TRAP1: variants seen among roughly 807,000 people sequenced by gnomAD.
TRAP1 encodes the protein TNF receptor associated protein 1, also known as heat shock protein 75 kDa, mitochondrial.
In TRAP1, 102 loss-of-function variants were observed where a neutral mutation model predicts 89.1. The ratio of observed to expected loss-of-function variants is 1.15; its 90% confidence interval spans 0.98 to 1.35. The LOEUF (loss-of-function observed/expected upper bound fraction) is 1.35. TRAP1 is among the 40% of genes most tolerant of loss of function. TRAP1 has a pLI of 0.00. For missense variants in TRAP1, 1,256 were observed against 945.3 expected (o/e 1.33, Z -4.31); for synonymous variants, 508 against 388.0 (o/e 1.31, Z -3.64).
rs188666198 is a variant in TRAP1, at chr16:3,692,989, G to A, written c.89-2004C>T. On this transcript the variant is annotated intron_variant, in intron 1 of 17. Transcript: ENST00000246957. ...TTGTTTTTTTTTGAGATGGAGTCTCGCTCTGTCGCCCAGGCTGGAGTGCAG... is the reference window on the plus strand; with the variant it reads ...TTGTTTTTTTTTGAGATGGAGTCTCACTCTGTCGCCCAGGCTGGAGTGCAG... 1.9e-3 allele frequency among the ~76,000 whole-genome samples: 285 copies of A among 150,324 alleles called. 4 individuals carry two copies. Among genetic ancestry groups the A allele is most frequent in the Middle Eastern group, 0.017 (5 of 286 alleles).
chr16:3,694,643 T>G (rs2051262523), intron 1 of TRAP1, among the ~76,000 whole-genome samples: 1 of 152,068 alleles, frequency 6.6e-6, no homozygotes, highest in African/African-American at 2.4e-5. Context: ...TGGCCTCTTT[T>G]TAAAAAAGAA....
chr16:3,658,676 A>T, intron 17 of TRAP1, 117 bp downstream of exon 17: 1 of 1,036,234 alleles, frequency 9.7e-7, no homozygotes, highest in Non-Finnish European at 1.4e-6. Flanking sequence ...CATCTCAAAA[A>T]ACAAACAAAC....
At chr16:3,689,187 T>A in intron 2 of TRAP1, 50 bp from the exon 3 acceptor site, 1 of 1,492,610 alleles carries the variant, frequency 6.7e-7, no homozygotes, top group Non-Finnish European at 9.3e-7. Context: ...TCTATTTTTG[T>A]GCAAGAATAC....
intron 16 of TRAP1, chr16:3,659,260 T>C (rs918464561): frequency 4.0e-5 from 7 of 174,148 alleles, no homozygotes; most frequent in Non-Finnish European, 7.3e-5. Flanking sequence ...GGCAAACAAC[T>C]CCATGTAACG....
intron 1 of TRAP1, among the ~76,000 whole-genome samples, chr16:3,701,560 A>AC (rs5815179): frequency 2.3e-5 from 3 of 131,944 alleles, no homozygotes; most frequent in African/African-American, 1.3e-4. Flanking sequence ...CAAAAAAAAA[A>AC]AAAAAAAATA....
At position 3,675,374 on chromosome 16, in the gene TRAP1, A is replaced by C; in HGVS notation, c.838T>G (p.Phe280Val). 1 of 1,613,888 alleles carries C rather than the reference A, an allele frequency of 6.2e-7. No homozygotes were observed. Residue 280 changes from phenylalanine to valine, a missense_variant, in exon 8 of 18, where the codon TTC (phenylalanine) becomes GTC (valine). Coordinates refer to ENST00000246957, the MANE Select transcript of TRAP1 (RefSeq NM_016292.3). Reference sequence around the variant, plus strand: ...TTCAAGTACAAGGGGAAGCTGACGAAGTTGCTGTACTTCGTTACCACATCT... The same window carrying C: ...TTCAAGTACAAGGGGAAGCTGACGACGTTGCTGTACTTCGTTACCACATCT... ...VRDVVTKYSN[F>V]VSFPLYLNGR...
intron 1 of TRAP1, among the ~76,000 whole-genome samples, chr16:3,707,834 A>G (rs2051470766): frequency 6.7e-6 from 1 of 149,886 alleles, no homozygotes; most frequent in South Asian, 2.1e-4. Context: ...AGCCTGGGCA[A>G]CAGACAGAGC....
At chr16:3,692,783 G>A (rs2051233912) in intron 1 of TRAP1, among the ~76,000 whole-genome samples, 1 of 151,028 alleles carries the variant, frequency 6.6e-6, no homozygotes, top group Non-Finnish European at 1.5e-5. Context: ...AGTTTTAGTA[G>A]AGACAGGGTT....
chr16:3,675,022 T>C, intron 8 of TRAP1: 1 of 398,104 alleles, frequency 2.5e-6, no homozygotes, highest in Non-Finnish European at 4.6e-6. Flanking sequence ...TGATGCGGGG[T>C]GGCTGCACAG....
At chr16:3,662,844 T>C (rs1307153871) in intron 15 of TRAP1, 38 bp downstream of exon 15, 3 of 1,605,532 alleles carry the variant, frequency 1.9e-6, no homozygotes, top group Non-Finnish European at 2.6e-6. Context: ...TTAGGGACAC[T>C]GCGGCCAAGT....
intron 14 of TRAP1, 90 bp from the exon 15 acceptor site, chr16:3,663,057 C>A: frequency 1.0e-6 from 1 of 979,468 alleles, no homozygotes; most frequent in South Asian, 1.6e-5. Flanking sequence ...CAGCTCCCAC[C>A]TCCTCTCCCA....
At chr16:3,703,950 G>C (rs1304312596) in intron 1 of TRAP1, among the ~76,000 whole-genome samples, 4 of 149,432 alleles carry the variant, frequency 2.7e-5, no homozygotes, top group Non-Finnish European at 5.9e-5. Context: ...GGGAGGCGGA[G>C]CGTGCAGTGA....
intron 4 of TRAP1, among the ~76,000 whole-genome samples, chr16:3,683,043 C>T (rs377227630): frequency 6.6e-6 from 1 of 152,012 alleles, no homozygotes. Flanking sequence ...TGGCACATAC[C>T]TGTAATCCCA....
At chr16:3,710,730 CAT>C (rs1034015187) in intron 1 of TRAP1, among the ~76,000 whole-genome samples, 41 of 152,202 alleles carry the variant, frequency 2.7e-4, no homozygotes, top group Admixed American at 1.2e-3. Context: ...ACCCGACACA[CAT>C]AGTTACATTA....
Position 3,676,103 on chromosome 16 carries a change from G to T in TRAP1, c.747C>A (p.Thr249=). Reference sequence around the variant, plus strand: ...TCAGGTGGATGATGATTTTTGTCCCGGTTCTAACTCCCGAAGCTTCGGCGA... The same window carrying T: ...TCAGGTGGATGATGATTTTTGTCCCTGTTCTAACTCCCGAAGCTTCGGCGA... The part of the protein sequence containing the change: ...FEIAEASGVR[T]GTKIIIHLKS... The change falls in exon 7 of 18, where the codon ACC becomes ACA. Residue 249 remains threonine, a synonymous_variant. Transcript: ENST00000246957. 1.2e-6 allele frequency: 2 copies of T among 1,613,774 alleles called. No homozygotes were observed. The highest frequency in any genetic ancestry group is 1.7e-6 in the Non-Finnish European group (2 of 1,179,864).
At chr16:3,693,811 A>G (rs891516407) in intron 1 of TRAP1, among the ~76,000 whole-genome samples, 3 of 152,004 alleles carry the variant, frequency 2.0e-5, no homozygotes, top group African/African-American at 4.8e-5. Flanking sequence ...TGGGCAAGAA[A>G]GTGAGACTCC....
chr16:3,709,807 C>T (rs1237043150), intron 1 of TRAP1, among the ~76,000 whole-genome samples: 3 of 152,172 alleles, frequency 2.0e-5, no homozygotes, highest in Admixed American at 2.0e-4. Context: ...TGCGCCACCA[C>T]GCCCGGCTAG....
At position 3,677,539 on chromosome 16, in the gene TRAP1, C is replaced by T. The variant is rs776790861; in HGVS notation, c.663G>A (p.Ser221=). The T allele has an allele frequency of 1.2e-5, 19 of 1,614,062 alleles. No homozygotes were observed. Among genetic ancestry groups the T allele is most frequent in the African/African-American group, 8.0e-5 (6 of 74,936 alleles). The change falls in exon 6 of 18, where the codon TCG becomes TCA. Residue 221 remains serine (S), a synonymous_variant. Coordinates refer to ENST00000246957, the MANE Select transcript of TRAP1 (RefSeq NM_016292.3). ...VADRVEVYSR[S]AAPGSLGYQW... ...GGTAACCCAGGCTCCCCGGGGCTGC[C>T]GAGCGGGAATAGACCTCCACTCTGT...
chr16:3,697,424 G>A (rs2051304141), intron 1 of TRAP1, among the ~76,000 whole-genome samples: 1 of 151,980 alleles, frequency 6.6e-6, no homozygotes, highest in Non-Finnish European at 1.5e-5. Context: ...CAGCACTTTG[G>A]GAGGCCGAGG....
Sources: allele counts gnomAD v4.1 joint callset (sites outside exome capture counted in the v4.1 genomes callset), GRCh38; gene constraint gnomAD v4.1.1; transcripts MANE v1.5; gene names NCBI Gene and HGNC (gene_info 2026-07-23, HGNC 2026-07-21).